The following RAD51B variants were observed in gnomAD, a reference collection of about 807,000 sequenced individuals.
RAD51B encodes DNA repair protein RAD51 homolog 2.
In RAD51B, 38 loss-of-function variants were observed where a neutral mutation model predicts 42.2. That is an observed-to-expected ratio of 0.90 (90% confidence interval 0.70 to 1.18). RAD51B has a LOEUF of 1.18. RAD51B is among the 50% of genes most tolerant of loss of function. The pLI, the probability that RAD51B is intolerant of heterozygous loss-of-function variation, is 0.00. For synonymous variants in RAD51B, 154 were observed against 145.2 expected, an observed-to-expected ratio of 1.06 and a Z score of -0.43; for missense variants, 373 against 400.7, an observed-to-expected ratio of 0.93 and a Z score of 0.59.
chr14:68,045,617 G>T (rs2076288301), intron 7 of RAD51B, among the ~76,000 whole-genome samples: 1 of 152,038 alleles, frequency 6.6e-6, no homozygotes, highest in Non-Finnish European at 1.5e-5. Context: ...TTAGAGAAAA[G>T]CATAAAATGT....
chr14:67,973,893 C>G (rs1389015660), intron 7 of RAD51B, among the ~76,000 whole-genome samples: 2 of 152,146 alleles, frequency 1.3e-5, no homozygotes, highest in Admixed American at 6.6e-5. Flanking sequence ...AACTTCACCT[C>G]ATTTTCTTAT....
At chr14:68,129,370 T>C (rs549353630) in intron 7 of RAD51B, among the ~76,000 whole-genome samples, 2 of 152,282 alleles carry the variant, frequency 1.3e-5, no homozygotes, top group African/African-American at 4.8e-5. Flanking sequence ...CTTACACATG[T>C]CACATTATTC....
At chr14:68,259,226 A>G (rs1326804195) in intron 7 of RAD51B, among the ~76,000 whole-genome samples, 2 of 151,644 alleles carry the variant, frequency 1.3e-5, no homozygotes, top group Non-Finnish European at 2.9e-5. Context: ...AGGATGATTT[A>G]AAAGCTCTCA....
chr14:68,385,734 G>A (rs2083581573), intron 8 of RAD51B, among the ~76,000 whole-genome samples: 1 of 152,194 alleles, frequency 6.6e-6, no homozygotes, highest in South Asian at 2.1e-4. Context: ...TATTCTATGT[G>A]TGAAAGGGTA....
At chr14:68,043,078 A>G (rs1045064627) in intron 7 of RAD51B, among the ~76,000 whole-genome samples, 1 of 152,188 alleles carries the variant, frequency 6.6e-6, no homozygotes. Context: ...TCAACAGATG[A>G]ACTATGTGTG....
In RAD51B at chr14:67,903,432, A is replaced by T. The variant is rs561647696; in HGVS notation, c.756+16228A>T. 3.3e-5 allele frequency among the ~76,000 whole-genome samples: 5 copies of T among 152,130 alleles called. No individual in the cohort carries two copies. The South Asian group carries it at 1.0e-3, about 32-fold the overall frequency. On this transcript the variant is annotated intron_variant, in intron 7 of 10. Transcript: ENST00000471583. The stretch of plus-strand genomic sequence containing the variant: ...AGTGTAACCACCATTTAAGGCATTT[A>T]AAAAAAATGAAATAGTCTGCTTTCA...
chr14:68,218,749 A>G (rs929647711), intron 7 of RAD51B, among the ~76,000 whole-genome samples: 1 of 152,262 alleles, frequency 6.6e-6, no homozygotes, highest in Non-Finnish European at 1.5e-5. Flanking sequence ...AAAATAGTTT[A>G]CAATATAATC....
chr14:68,291,702 T>A (rs2081519806), intron 7 of RAD51B, among the ~76,000 whole-genome samples, 182 bp from the exon 8 acceptor site: 1 of 152,246 alleles, frequency 6.6e-6, no homozygotes, highest in African/African-American at 2.4e-5. Flanking sequence ...TGCTAGGCCT[T>A]GCCAGATAAT....
At chr14:68,406,255 C>T (rs569955491) in intron 8 of RAD51B, among the ~76,000 whole-genome samples, 15 of 152,220 alleles carry the variant, frequency 9.9e-5, no homozygotes, top group African/African-American at 3.1e-4. Context: ...CATCATTAAG[C>T]AATTTTGACA....
chr14:68,180,241 G>A lies in RAD51B; in HGVS notation c.757-111643G>A, dbSNP rs116548173. ...ATGTCTAGTTTGATGGAGCACAGATGGTTTGGGGAGCGCTAACATTCATCT... is the reference window on the plus strand; with the variant it reads ...ATGTCTAGTTTGATGGAGCACAGATAGTTTGGGGAGCGCTAACATTCATCT... On this transcript the variant is annotated intron_variant, in intron 7 of 10. Transcript: ENST00000471583. Among the ~76,000 whole-genome samples, 847 of 152,218 alleles carry A rather than the reference G, an allele frequency of 5.6e-3. 2 individuals carry two copies. The highest frequency in any genetic ancestry group is 0.019 in the African/African-American group (772 of 41,526).
At chr14:68,682,909 G>GGTTT in intron 11 of RAD51B, 1 of 731,008 alleles carries the variant, frequency 1.4e-6, no homozygotes, top group Non-Finnish European at 1.6e-6. Flanking sequence ...GTAGCTTATG[G>GGTTT]CTTTTTTTTT....
intron 7 of RAD51B, among the ~76,000 whole-genome samples, chr14:68,091,154 A>G (rs537782140): frequency 1.1e-3 from 161 of 152,272 alleles, no homozygotes; most frequent in Non-Finnish European, 2.1e-3. Context: ...TAGTGCCGCA[A>G]TAAACATACG....
chr14:68,349,347 C>G (rs2082736556), intron 8 of RAD51B, among the ~76,000 whole-genome samples: 1 of 152,042 alleles, frequency 6.6e-6, no homozygotes, highest in South Asian at 2.1e-4. Context: ...AGGAATTCTC[C>G]TTTCCCTACT....
intron 5 of RAD51B, among the ~76,000 whole-genome samples, chr14:67,867,341 A>G (rs2042362131): frequency 6.6e-6 from 1 of 152,220 alleles, no homozygotes; most frequent in South Asian, 2.1e-4. Flanking sequence ...TTTCTCTCAT[A>G]TAACAAGACC....
At chr14:68,013,672 A>G (rs1258975278) in intron 7 of RAD51B, among the ~76,000 whole-genome samples, 5 of 152,212 alleles carry the variant, frequency 3.3e-5, no homozygotes, top group Non-Finnish European at 7.4e-5. Context: ...CTCTTGATGG[A>G]CAACAAATAA....
intron 10 of RAD51B, among the ~76,000 whole-genome samples, chr14:68,488,199 CTTT>C (rs201866707): frequency 3.7e-4 from 40 of 108,326 alleles, no homozygotes; most frequent in Admixed American, 6.0e-4. Flanking sequence ...TAGGGTTTGT[CTTT>C]TTTTTTTTTT....
intron 1 of RAD51B, among the ~76,000 whole-genome samples, chr14:67,821,610 G>A (rs567776514): frequency 9.9e-5 from 15 of 152,112 alleles, no homozygotes; most frequent in African/African-American, 3.6e-4. Flanking sequence ...ACAGGTGTGC[G>A]GCACAATGCC....
chr14:68,054,117 C>T (rs1045247887), intron 7 of RAD51B, among the ~76,000 whole-genome samples: 2 of 152,094 alleles, frequency 1.3e-5, no homozygotes, highest in Non-Finnish European at 2.9e-5. Flanking sequence ...ATTATCAAAA[C>T]CAGGAAATTA....
intron 10 of RAD51B, among the ~76,000 whole-genome samples, chr14:68,578,897 GGGCTGGGTCATA>G (rs1455094140): frequency 1.3e-5 from 2 of 152,190 alleles, no homozygotes; most frequent in African/African-American, 4.8e-5. Flanking sequence ...AGGGTTCAGG[GGGCTGGGTCATA>G]GGCTTGCTTT....
Sources: allele counts gnomAD v4.1 joint callset (sites outside exome capture counted in the v4.1 genomes callset), GRCh38; gene constraint gnomAD v4.1.1; transcripts MANE v1.5; gene names NCBI Gene and HGNC (gene_info 2026-07-23, HGNC 2026-07-21).